HS2ST1: variants seen among roughly 807,000 people sequenced by gnomAD.
The protein encoded by HS2ST1 is 2-O-sulfotransferase.
Under a neutral mutation model 42.9 loss-of-function variants are expected in HS2ST1, and 18 were observed. The observed-to-expected ratio is 0.42, with a 90% confidence interval of 0.29 to 0.62. The LOEUF (loss-of-function observed/expected upper bound fraction) is 0.62, where lower values mean the gene tolerates loss of function less well. Ranked by LOEUF, HS2ST1 falls within the 20% of genes least tolerant of loss-of-function variation. HS2ST1 has a pLI of 0.21. For missense variants in HS2ST1, 334 were observed against 433.8 expected, an observed-to-expected ratio of 0.77 and a Z score of 2.04; for synonymous variants, 146 against 152.9, an observed-to-expected ratio of 0.95 and a Z score of 0.33.
At chr1:87,095,554 A>G (rs904337295) in intron 4 of HS2ST1, among the ~76,000 whole-genome samples, 1 of 152,194 alleles carries the variant, frequency 6.6e-6, no homozygotes, top group African/African-American at 2.4e-5. Context: ...ATATTTTAGA[A>G]CTAGAGTTTT....
intron 1 of HS2ST1, among the ~76,000 whole-genome samples, chr1:86,978,407 A>G (rs1648484845): frequency 6.6e-6 from 1 of 152,184 alleles, no homozygotes; most frequent in African/African-American, 2.4e-5. Flanking sequence ...CTGCTAGGTA[A>G]GTTTTACTCA....
At chr1:86,954,085 C>T (rs964924066) in intron 1 of HS2ST1, among the ~76,000 whole-genome samples, 2 of 143,316 alleles carry the variant, frequency 1.4e-5, no homozygotes, top group Non-Finnish European at 3.0e-5. Context: ...GGCTTGGTGG[C>T]TCACGCCTCT....
At chr1:87,006,742 CAT>C (rs772188970) in intron 1 of HS2ST1, among the ~76,000 whole-genome samples, 1 of 152,038 alleles carries the variant, frequency 6.6e-6, no homozygotes, top group Non-Finnish European at 1.5e-5. Flanking sequence ...CATTTCTTCT[CAT>C]AATATAAACA....
At chr1:86,933,446 T>G (rs972319360) in intron 1 of HS2ST1, among the ~76,000 whole-genome samples, 10 of 152,222 alleles carry the variant, frequency 6.6e-5, no homozygotes, top group Non-Finnish European at 1.5e-4. Context: ...TGCTGTTGAA[T>G]CCGTCAAAGC....
chr1:87,017,040 T>C (rs1332164374), intron 1 of HS2ST1, among the ~76,000 whole-genome samples: 1 of 152,128 alleles, frequency 6.6e-6, no homozygotes, highest in East Asian at 1.9e-4. Flanking sequence ...GGTGTTAACA[T>C]GGGACTGAAT....
intron 1 of HS2ST1, chr1:86,992,938 G>A (rs189192272): frequency 1.7e-4 from 130 of 763,404 alleles, no homozygotes; most frequent in Non-Finnish European, 1.6e-4. Flanking sequence ...GTAATAAACT[G>A]GGGGAAACTT....
chr1:86,991,289 C>T (rs1323721591), intron 1 of HS2ST1, among the ~76,000 whole-genome samples: 4 of 152,026 alleles, frequency 2.6e-5, no homozygotes, highest in Admixed American at 2.0e-4. Flanking sequence ...AATCTGGTAG[C>T]CCCCCTGAAC....
intron 2 of HS2ST1, among the ~76,000 whole-genome samples, chr1:87,075,339 G>A (rs1387191500): frequency 6.6e-6 from 1 of 151,640 alleles, no homozygotes; most frequent in African/African-American, 2.4e-5. Context: ...GCTAATTTTT[G>A]TATTTTTAGT....
chr1:86,978,301 A>T (rs1007203212), intron 1 of HS2ST1, among the ~76,000 whole-genome samples: 1 of 152,332 alleles, frequency 6.6e-6, no homozygotes, highest in East Asian at 1.9e-4. Flanking sequence ...AAATATTTGT[A>T]AGTTTTAAGT....
chr1:87,077,550 A>C (rs941134692), intron 2 of HS2ST1, among the ~76,000 whole-genome samples: 9 of 151,736 alleles, frequency 5.9e-5, no homozygotes, highest in African/African-American at 2.2e-4. Context: ...GTACTGTATC[A>C]CTCTTGTTGT....
chr1:87,023,271 G>A (rs1249391901), intron 1 of HS2ST1, among the ~76,000 whole-genome samples: 1 of 151,966 alleles, frequency 6.6e-6, no homozygotes, highest in Non-Finnish European at 1.5e-5. Context: ...AACGACTTAT[G>A]CAAAATGATG....
At chr1:87,066,764 C>G (rs1004650187) in intron 1 of HS2ST1, among the ~76,000 whole-genome samples, 1 of 152,020 alleles carries the variant, frequency 6.6e-6, no homozygotes, top group South Asian at 2.1e-4. Flanking sequence ...TGATGTTCCC[C>G]TACCTGTGTC....
At chr1:86,921,091 T>TGA (rs58209779) in intron 1 of HS2ST1, among the ~76,000 whole-genome samples, 84 of 151,734 alleles carry the variant, frequency 5.5e-4, no homozygotes, top group African/African-American at 2.0e-3. Context: ...CAATTACAAA[T>TGA]AAAAAAAAAC....
chr1:86,967,783 A>T (rs1263074192), intron 1 of HS2ST1, among the ~76,000 whole-genome samples: 2 of 152,214 alleles, frequency 1.3e-5, no homozygotes, highest in Non-Finnish European at 1.5e-5. Context: ...TCTTTTTCAT[A>T]TAATGACTTC....
At chr1:87,001,828 G>T (rs919589545) in intron 1 of HS2ST1, among the ~76,000 whole-genome samples, 4 of 152,070 alleles carry the variant, frequency 2.6e-5, no homozygotes, top group Admixed American at 1.3e-4. Flanking sequence ...GATCAGGCTG[G>T]TCTCAAACTC....
Position 87,086,408 on chromosome 1 carries a change from A to G in HS2ST1, c.449+2129A>G, listed in dbSNP as rs1323641643. ...TCAGACTCGTGTTGTTCAAGGGTCA[A>G]TTGTGCTTTACTCTTCAAAACAATA... On this transcript the variant is annotated intron_variant, in intron 3 of 6. Transcript: ENST00000370550. Among the ~76,000 whole-genome samples, 12 of 152,322 alleles carry G rather than the reference A, an allele frequency of 7.9e-5. No individual in the cohort carries two copies. In the East Asian group the frequency reaches 9.6e-4, roughly 12 times the overall value.
chr1:87,094,456 G>A (rs1190818418), intron 4 of HS2ST1, among the ~76,000 whole-genome samples: 5 of 152,108 alleles, frequency 3.3e-5, no homozygotes, highest in African/African-American at 9.7e-5. Context: ...TTATGGGGTA[G>A]TTGCTGTTAT....
In HS2ST1 at chr1:86,962,088, A is replaced by G. The variant is rs115107811; in HGVS notation, c.124+46928A>G. Among the ~76,000 whole-genome samples, 495 of 152,296 alleles carry G rather than the reference A, an allele frequency of 3.3e-3. 3 individuals are homozygous for G. Among genetic ancestry groups the G allele is most frequent in the African/African-American group, 0.011 (467 of 41,566 alleles). ...TATACATCTAGTTTAATGTATTGCA[A>G]TATATGTAAGATACATATTGTGAAA... On this transcript the variant is annotated intron_variant, in intron 1 of 6. Coordinates refer to ENST00000370550, the MANE Select transcript of HS2ST1 (RefSeq NM_012262.4).
intron 1 of HS2ST1, among the ~76,000 whole-genome samples, chr1:86,968,784 A>T (rs956171037): frequency 1.4e-5 from 2 of 148,060 alleles, no homozygotes; most frequent in East Asian, 2.0e-4. Context: ...TCATTTGTTT[A>T]AAAAAAAAAG....
Sources: gnomAD v4.1 joint callset for allele counts (sites outside exome capture counted in the v4.1 genomes callset) on GRCh38, gnomAD v4.1.1 for gene constraint, MANE v1.5 for transcripts, NCBI Gene and HGNC (gene_info 2026-07-23, HGNC 2026-07-21) for gene names.